ACYP2: variants seen among roughly 807,000 people sequenced by gnomAD.
ACYP2 encodes the protein acylphosphatase-2.
A neutral mutation model predicts 11.2 loss-of-function variants in ACYP2; 12 were observed. The observed-to-expected ratio is 1.08, with a 90% CI of 0.69 to 1.74. ACYP2 has a LOEUF of 1.74. Ranked by LOEUF, ACYP2 falls within the 40% of genes most tolerant of loss-of-function variation. The pLI is 0.00. For synonymous variants in ACYP2, 43 were observed against 32.2 expected (o/e 1.33, Z -1.13); for missense variants, 134 against 101.9 (o/e 1.31, Z -1.35).
rs774389264 is a variant in ACYP2, at chr2:54,138,613, A to C, written c.295-26A>C. ...ACTCAGACTTTTGATGCTGCACTTT[A>C]TTCTTCTTGTTTTTTCCTGAAACAG... On this transcript the variant is annotated intron_variant, in intron 5 of 6. Transcript: ENST00000607452. 5.7e-6 allele frequency: 9 copies of C among 1,574,884 alleles called. No homozygotes were observed. In the Admixed American group the frequency reaches 6.9e-5, roughly 12 times the overall value.
intron 2 of ACYP2, among the ~76,000 whole-genome samples, chr2:54,018,354 G>A (rs1400208872): frequency 1.3e-5 from 2 of 152,198 alleles, no homozygotes; most frequent in African/African-American, 4.8e-5. Context: ...CGCTGGTATA[G>A]TGGGAAAGAA....
At chr2:54,055,454 T>C (rs1314685668) in intron 3 of ACYP2, among the ~76,000 whole-genome samples, 1 of 152,244 alleles carries the variant, frequency 6.6e-6, no homozygotes, top group Non-Finnish European at 1.5e-5. Context: ...AATTTGTATT[T>C]ATATAGCATT....
At chr2:54,243,745 T>C (rs1469631787) in intron 6 of ACYP2, among the ~76,000 whole-genome samples, 2 of 151,696 alleles carry the variant, frequency 1.3e-5, no homozygotes, top group Non-Finnish European at 2.9e-5. Context: ...AATTTTTGTA[T>C]CTTTTTTTTA....
At chr2:54,262,459 A>G (rs1201292953) in intron 6 of ACYP2, among the ~76,000 whole-genome samples, 6 of 152,260 alleles carry the variant, frequency 3.9e-5, no homozygotes, top group African/African-American at 7.2e-5. Flanking sequence ...CCTAATTTAG[A>G]TAAAAATTTT....
At chr2:54,122,251 T>A (rs748770910) in intron 4 of ACYP2, among the ~76,000 whole-genome samples, 5 of 152,154 alleles carry the variant, frequency 3.3e-5, no homozygotes, top group African/African-American at 7.2e-5. Context: ...TCATCACAGG[T>A]TTCTTTAAAT....
At chr2:54,175,032 T>C (rs1683381530) in intron 6 of ACYP2, among the ~76,000 whole-genome samples, 2 of 152,248 alleles carry the variant, frequency 1.3e-5, no homozygotes, top group African/African-American at 4.8e-5. Flanking sequence ...ATCAGGATGA[T>C]GCTGGCCTCA....
chr2:53,991,154 A>G (rs2104518577), intron 2 of ACYP2, among the ~76,000 whole-genome samples: 1 of 152,304 alleles, frequency 6.6e-6, no homozygotes, highest in Middle Eastern at 3.4e-3. Context: ...GTTCAAAGGT[A>G]TGCTGCTGGT....
intron 6 of ACYP2, chr2:54,255,110 A>C: frequency 6.2e-7 from 1 of 1,614,178 alleles, no homozygotes; most frequent in Non-Finnish European, 8.5e-7. Flanking sequence ...AAGAAGCTGC[A>C]GATGACATGT....
chr2:54,101,551 C>T (rs141426483), intron 4 of ACYP2, among the ~76,000 whole-genome samples: 316 of 151,948 alleles, frequency 2.1e-3, no homozygotes, highest in Middle Eastern at 0.01. Context: ...CGCCTGTAAT[C>T]CAATTCCAGC....
At chr2:54,138,556 T>G in intron 5 of ACYP2, 83 bp from the exon 3 acceptor site, 1 of 1,072,178 alleles carries the variant, frequency 9.3e-7, no homozygotes, top group Non-Finnish European at 1.3e-6. Flanking sequence ...TAGGTTAGCA[T>G]TTTTTGGATA....
chr2:54,021,210 A>C (rs962567164), intron 2 of ACYP2, among the ~76,000 whole-genome samples: 1 of 152,304 alleles, frequency 6.6e-6, no homozygotes, highest in Non-Finnish European at 1.5e-5. Context: ...GTTACAGAAC[A>C]GGTAACTCGG....
intron 6 of ACYP2, among the ~76,000 whole-genome samples, chr2:54,298,258 T>TA (rs960229791): frequency 6.6e-6 from 1 of 152,188 alleles, no homozygotes; most frequent in African/African-American, 2.4e-5. Flanking sequence ...AATTATTTAG[T>TA]AAAAGATGCA....
chr2:54,063,565 T>A (rs1306213770), intron 4 of ACYP2, among the ~76,000 whole-genome samples: 1 of 152,126 alleles, frequency 6.6e-6, no homozygotes, highest in Non-Finnish European at 1.5e-5. Flanking sequence ...GGCAATTTAC[T>A]CCCCTTTCCA....
chr2:54,184,146 T>C (rs1021048390), intron 6 of ACYP2, among the ~76,000 whole-genome samples: 2 of 152,194 alleles, frequency 1.3e-5, no homozygotes, highest in Admixed American at 6.5e-5. Context: ...CTCCCAGTAG[T>C]TGGAAGCAGG....
chr2:54,100,603 C>G (rs1222785423), intron 4 of ACYP2, among the ~76,000 whole-genome samples: 1 of 151,910 alleles, frequency 6.6e-6, no homozygotes, highest in Admixed American at 6.6e-5. Context: ...GTCACCACAC[C>G]CACCCGAGAT....
intron 4 of ACYP2, among the ~76,000 whole-genome samples, chr2:54,101,671 CAAA>C (rs61395630): frequency 7.1e-4 from 86 of 121,900 alleles, no homozygotes; most frequent in African/African-American, 8.3e-4. Flanking sequence ...GAGACTGTCT[CAAA>C]AAAAAAAAAA....
chr2:54,207,396 T>C (rs1403548108), intron 6 of ACYP2, among the ~76,000 whole-genome samples: 1 of 152,158 alleles, frequency 6.6e-6, no homozygotes, highest in Non-Finnish European at 1.5e-5. Context: ...AGCCTCAGTC[T>C]TTGTTCTTTA....
intron 2 of ACYP2, among the ~76,000 whole-genome samples, chr2:53,985,358 C>T (rs1231335284): frequency 6.6e-6 from 1 of 152,136 alleles, no homozygotes; most frequent in Non-Finnish European, 1.5e-5. Context: ...TGAGCCGCTG[C>T]ACCTGGCCAG....
chr2:54,095,342 A>T (rs998029352), intron 4 of ACYP2, among the ~76,000 whole-genome samples: 1 of 152,244 alleles, frequency 6.6e-6, no homozygotes, highest in East Asian at 1.9e-4. Context: ...CCTTTCCCCC[A>T]CTTCTATTCC....
Sources: allele counts gnomAD v4.1 joint callset (sites outside exome capture counted in the v4.1 genomes callset), GRCh38; gene constraint gnomAD v4.1.1; transcripts MANE v1.5; gene names NCBI Gene and HGNC (gene_info 2026-07-23, HGNC 2026-07-21).